DLG1: variants seen among roughly 807,000 people sequenced by gnomAD.
DLG1 encodes disks large homolog 1.
In DLG1, 42 loss-of-function variants were observed where a neutral mutation model predicts 123.4. That is an observed-to-expected ratio of 0.34 (90% CI 0.27 to 0.44). The LOEUF is 0.44. Ranked by LOEUF, DLG1 falls within the 20% of genes least tolerant of loss-of-function variation. DLG1 has a pLI of 1.00. For synonymous variants in DLG1, 317 were observed against 356.2 expected (o/e 0.89, Z 1.24); for missense variants, 942 against 1,082.6 (o/e 0.87, Z 1.82).
intron 4 of DLG1, among the ~76,000 whole-genome samples, chr3:197,199,261 C>T (rs73086575): frequency 0.011 from 1,636 of 152,188 alleles, 32 homozygotes; most frequent in African/African-American, 0.037. Flanking sequence ...AAAGTCTATT[C>T]TCTATTATAG....
chr3:197,117,375 C>G (rs1490809849), intron 12 of DLG1, among the ~76,000 whole-genome samples: 1 of 152,190 alleles, frequency 6.6e-6, no homozygotes, highest in East Asian at 1.9e-4. Flanking sequence ...TGGACAGATA[C>G]TTGCATGCCA....
intron 4 of DLG1, among the ~76,000 whole-genome samples, chr3:197,196,291 C>T (rs576468579): frequency 4.0e-5 from 6 of 151,556 alleles, no homozygotes; most frequent in South Asian, 2.1e-4. Context: ...TACAATCACA[C>T]GGAAAACATC....
At chr3:197,178,745 A>G in intron 5 of DLG1, among the ~76,000 whole-genome samples, 1 of 152,210 alleles carries the variant, frequency 6.6e-6, no homozygotes. Context: ...AAAAGAATTT[A>G]GAGGAGGGAG....
In DLG1 at chr3:197,144,246, T is replaced by C. The variant is rs550337579; in HGVS notation, c.538-1478A>G. Among the ~76,000 whole-genome samples the C allele has an allele frequency of 3.9e-5, 6 of 152,296 alleles. No homozygotes were observed. In the South Asian group the frequency reaches 8.3e-4, roughly 21 times the overall value. ...TGAGACTAGGTCATCTGATGCCTGA[T>C]AGTATTATTTGCCTTTGCTTGGAAT... On this transcript the variant is annotated intron_variant, in intron 6 of 24. Transcript: ENST00000667157.
At chr3:197,131,620 G>T in intron 10 of DLG1, among the ~76,000 whole-genome samples, 1 of 106,480 alleles carries the variant, frequency 9.4e-6, no homozygotes, top group Admixed American at 1.4e-4. Context: ...TTGAGACGGA[G>T]TCTCGCTCTG....
chr3:197,174,568 G>C (rs1342462849), intron 5 of DLG1, among the ~76,000 whole-genome samples: 1 of 152,040 alleles, frequency 6.6e-6, no homozygotes, highest in African/African-American at 2.4e-5. Flanking sequence ...ATCCTGCTAT[G>C]GTACTTAGTT....
intron 4 of DLG1, among the ~76,000 whole-genome samples, chr3:197,196,906 G>C (rs998842596): frequency 6.6e-6 from 1 of 151,992 alleles, no homozygotes; most frequent in South Asian, 2.1e-4. Context: ...AAGCAACACT[G>C]TATGTATGTA....
chr3:197,190,736 C>T (rs1034902296), intron 5 of DLG1, among the ~76,000 whole-genome samples: 10 of 152,182 alleles, frequency 6.6e-5, no homozygotes, highest in Admixed American at 1.3e-4. Context: ...GTCGGCCGGG[C>T]GCGGTGGCTC....
intron 4 of DLG1, among the ~76,000 whole-genome samples, chr3:197,199,456 TATA>T (rs1175892914): frequency 1.3e-5 from 2 of 152,188 alleles, no homozygotes; most frequent in Non-Finnish European, 1.5e-5. Flanking sequence ...AGGCTATGTG[TATA>T]ATGTGTATAT....
intron 24 of DLG1, among the ~76,000 whole-genome samples, chr3:197,047,790 T>G (rs1724395046): frequency 6.6e-6 from 1 of 151,904 alleles, no homozygotes; most frequent in Non-Finnish European, 1.5e-5. Flanking sequence ...ACTAAAGACT[T>G]AAATGTAAAA....
Position 197,207,948 on chromosome 3 carries a change from G to C in DLG1, c.319-13359C>G, listed in dbSNP as rs540001267. Among the ~76,000 whole-genome samples the C allele has an allele frequency of 7.6e-5, 11 of 144,412 alleles. 1 individual carries two copies. Among genetic ancestry groups the C allele is most frequent in the East Asian group, 2.0e-4 (1 of 5,050 alleles). The allele number at this position is 144,412 out of a possible 152,430, so 94.7% of individuals were successfully genotyped here. ...CCATTAAAAAAAGACTGATAAATTT[G>C]ACTAGAAGTCAAAACGTTAAAAAAT... On this transcript the variant is annotated intron_variant, in intron 4 of 24. Transcript: ENST00000667157.
intron 1 of DLG1, chr3:197,298,026 G>T: frequency 1.4e-6 from 1 of 724,736 alleles, no homozygotes; most frequent in Non-Finnish European, 1.7e-6. Context: ...CGGCCCCCCG[G>T]CCCGCTCGCC....
chr3:197,072,513 T>C (rs1176148141), intron 18 of DLG1, among the ~76,000 whole-genome samples: 1 of 152,162 alleles, frequency 6.6e-6, no homozygotes, highest in African/African-American at 2.4e-5. Flanking sequence ...TAAACATTTT[T>C]TATATGCTTA....
intron 4 of DLG1, among the ~76,000 whole-genome samples, chr3:197,241,917 C>A (rs916181546): frequency 6.6e-6 from 1 of 151,856 alleles, no homozygotes; most frequent in Non-Finnish European, 1.5e-5. Flanking sequence ...GGAAGAGTTA[C>A]GAAACAATCA....
intron 5 of DLG1, chr3:197,184,013 G>A: frequency 3.0e-6 from 4 of 1,339,010 alleles, no homozygotes; most frequent in Non-Finnish European, 3.8e-6. Context: ...CCTGTTAGCT[G>A]TATGATGGCT....
chr3:197,255,752 C>G (rs955327870), intron 4 of DLG1, among the ~76,000 whole-genome samples: 43 of 146,462 alleles, frequency 2.9e-4, no homozygotes, highest in African/African-American at 1.1e-3. Flanking sequence ...GACGTTCAAA[C>G]CTAATCTATA....
At chr3:197,147,462 ACACACAC>A (rs1383238196) in intron 6 of DLG1, among the ~76,000 whole-genome samples, 67 of 134,046 alleles carry the variant, frequency 5.0e-4, no homozygotes, top group African/African-American at 1.7e-3. Flanking sequence ...ACACACACAC[ACACACAC>A]ACCATGGAAT....
intron 16 of DLG1, among the ~76,000 whole-genome samples, chr3:197,083,974 T>TAA (rs963667383): frequency 6.6e-6 from 1 of 151,834 alleles, no homozygotes; most frequent in African/African-American, 2.4e-5. Flanking sequence ...CCTTGTCTCT[T>TAA]AAAAAAATCA....
At chr3:197,174,782 G>A (rs551963361) in intron 5 of DLG1, among the ~76,000 whole-genome samples, 13 of 152,116 alleles carry the variant, frequency 8.5e-5, no homozygotes, top group South Asian at 6.2e-4. Context: ...GCTCTTGAAC[G>A]TGGCTGTTAA....
Sources: gnomAD v4.1 joint callset for allele counts (sites outside exome capture counted in the v4.1 genomes callset) on GRCh38, gnomAD v4.1.1 for gene constraint, MANE v1.5 for transcripts, NCBI Gene and HGNC (gene_info 2026-07-23, HGNC 2026-07-21) for gene names.